Variants in NR6A1 observed in about 807,000 individuals in gnomAD.
NR6A1 encodes nuclear receptor subfamily 6 group A member 1, also known as retinoic acid receptor-related testis-associated receptor.
A neutral mutation model predicts 59.1 loss-of-function variants in NR6A1; 7 were observed. That is an observed-to-expected ratio of 0.12 (90% CI 0.07 to 0.22). The LOEUF (loss-of-function observed/expected upper bound fraction) is 0.22, where lower values mean the gene tolerates loss of function less well. NR6A1 is among the 10% of genes least tolerant of loss of function. The pLI is 1.00. For missense variants in NR6A1, 468 were observed against 611.6 expected, an observed-to-expected ratio of 0.77 and a Z score of 2.48; for synonymous variants, 243 against 236.1, an observed-to-expected ratio of 1.03 and a Z score of -0.27.
intron 1 of NR6A1, among the ~76,000 whole-genome samples, chr9:124,765,977 C>T (rs1840923915): frequency 6.6e-6 from 1 of 152,176 alleles, no homozygotes; most frequent in South Asian, 2.1e-4. Context: ...CAGTCTAACA[C>T]CCTTGTCTTT....
intron 6 of NR6A1, among the ~76,000 whole-genome samples, chr9:124,536,559 T>TGAGGCA (rs776553296): frequency 9.2e-5 from 14 of 151,656 alleles, no homozygotes; most frequent in Middle Eastern, 3.4e-3. Flanking sequence ...CTCGGGAGGC[T>TGAGGCA]GAGGCAGAGG....
At position 124,765,850 on chromosome 9, in the gene NR6A1, T is replaced by C. The variant is rs1235427801; in HGVS notation, c.100+5170A>G. Among the ~76,000 whole-genome samples, 4 of 152,350 alleles carry C rather than the reference T, an allele frequency of 2.6e-5. No individual in the cohort carries two copies. The South Asian group carries it at 8.3e-4, about 32-fold the overall frequency. ...CGAAATACCGTAGGAAATGTTTTAT[T>C]CTTTCAAATGATGCTCTCCTCTTTT... On this transcript the variant is annotated intron_variant, in intron 1 of 9. Transcript: ENST00000487099.
chr9:124,721,685 C>A (rs1046244010), intron 2 of NR6A1, among the ~76,000 whole-genome samples: 10 of 152,124 alleles, frequency 6.6e-5, no homozygotes, highest in Non-Finnish European at 1.3e-4. Flanking sequence ...GTGTCCAAAA[C>A]CACCCTAATA....
chr9:124,747,469 C>T (rs895483823), intron 1 of NR6A1, among the ~76,000 whole-genome samples: 1 of 152,116 alleles, frequency 6.6e-6, no homozygotes, highest in Non-Finnish European at 1.5e-5. Context: ...CTTTCACTTA[C>T]ACTTCCCAAC....
At chr9:124,626,077 G>A (rs1223979856) in intron 2 of NR6A1, among the ~76,000 whole-genome samples, 1 of 152,196 alleles carries the variant, frequency 6.6e-6, no homozygotes, top group African/African-American at 2.4e-5. Context: ...TACGATCTCA[G>A]CTTACTGCAA....
chr9:124,684,228 G>GGAT (rs1048857763), intron 2 of NR6A1, among the ~76,000 whole-genome samples: 9 of 152,208 alleles, frequency 5.9e-5, no homozygotes, highest in Non-Finnish European at 8.8e-5. Context: ...CAAGGATGAA[G>GGAT]GATGCATCAC....
At chr9:124,524,924 T>C (rs1466726757) in intron 8 of NR6A1, 51 bp from the exon 9 acceptor site, 6 of 1,541,104 alleles carry the variant, frequency 3.9e-6, no homozygotes, top group Non-Finnish European at 4.3e-6. Flanking sequence ...GGGATGGGCA[T>C]TCTAATGTGG....
At chr9:124,669,300 T>C (rs1837718310) in intron 2 of NR6A1, among the ~76,000 whole-genome samples, 1 of 152,260 alleles carries the variant, frequency 6.6e-6, no homozygotes, top group South Asian at 2.1e-4. Flanking sequence ...GATATATACT[T>C]TGGTTTCCCA....
At chr9:124,588,934 G>GAA (rs1486219342) in intron 2 of NR6A1, among the ~76,000 whole-genome samples, 4 of 110,070 alleles carry the variant, frequency 3.6e-5, no homozygotes, top group African/African-American at 4.2e-5. Context: ...AAAAAAAAAA[G>GAA]AAAGAAAAAA....
chr9:124,676,735 T>G (rs994958642), intron 2 of NR6A1, among the ~76,000 whole-genome samples: 1 of 152,188 alleles, frequency 6.6e-6, no homozygotes, highest in Non-Finnish European at 1.5e-5. Flanking sequence ...ACATTGGAAG[T>G]TTAAGTATCC....
intron 2 of NR6A1, among the ~76,000 whole-genome samples, chr9:124,591,310 T>C (rs372407395): frequency 2.6e-5 from 4 of 152,368 alleles, no homozygotes; most frequent in East Asian, 3.9e-4. Context: ...ATAGCGGTCC[T>C]GTGAGATAGG....
chr9:124,556,867 C>CT (rs34247254), intron 2 of NR6A1, among the ~76,000 whole-genome samples: 2,916 of 143,542 alleles, frequency 0.02, 38 homozygotes, highest in Non-Finnish European at 0.028. Context: ...ACTAATATAC[C>CT]TTTTTTTTTT....
At chr9:124,728,139 G>A (rs1839779659) in intron 2 of NR6A1, among the ~76,000 whole-genome samples, 1 of 151,370 alleles carries the variant, frequency 6.6e-6, no homozygotes, top group African/African-American at 2.4e-5. Context: ...CCATTCTCCT[G>A]CCTCAGCCTC....
chr9:124,749,499 T>C (rs1840434976), intron 1 of NR6A1, among the ~76,000 whole-genome samples: 1 of 152,162 alleles, frequency 6.6e-6, no homozygotes, highest in Non-Finnish European at 1.5e-5. Flanking sequence ...ATGTGAAAAT[T>C]GACCTTTGGG....
intron 3 of NR6A1, among the ~76,000 whole-genome samples, 164 bp from the exon 4 acceptor site, chr9:124,544,021 T>G (rs1409978266): frequency 6.6e-6 from 1 of 152,218 alleles, no homozygotes; most frequent in East Asian, 1.9e-4. Flanking sequence ...TTTCTATTAT[T>G]CCAGGCTCCT....
At chr9:124,716,549 A>C (rs1253627185) in intron 2 of NR6A1, among the ~76,000 whole-genome samples, 1 of 152,212 alleles carries the variant, frequency 6.6e-6, no homozygotes, top group Non-Finnish European at 1.5e-5. Context: ...TTTACAACAC[A>C]TATCTGACGG....
chr9:124,590,394 C>T (rs1050304057), intron 2 of NR6A1, among the ~76,000 whole-genome samples: 3 of 151,900 alleles, frequency 2.0e-5, no homozygotes. Context: ...TACAGGGCCC[C>T]AAAGTGAGAG....
At chr9:124,575,701 G>A (rs1834569399) in intron 2 of NR6A1, among the ~76,000 whole-genome samples, 1 of 152,106 alleles carries the variant, frequency 6.6e-6, no homozygotes, top group Admixed American at 6.5e-5. Context: ...GCTATAAACT[G>A]GGGATAACAA....
At chr9:124,706,068 G>C (rs761497120) in intron 2 of NR6A1, among the ~76,000 whole-genome samples, 20 of 152,016 alleles carry the variant, frequency 1.3e-4, no homozygotes, top group Admixed American at 1.1e-3. Flanking sequence ...AAGCCACCAC[G>C]CCAGCCTGAT....
Sources: gnomAD v4.1 joint callset for allele counts (sites outside exome capture counted in the v4.1 genomes callset) on GRCh38, gnomAD v4.1.1 for gene constraint, MANE v1.5 for transcripts, NCBI Gene and HGNC (gene_info 2026-07-23, HGNC 2026-07-21) for gene names.